LRRK1: variants seen among roughly 807,000 people sequenced by gnomAD.
The protein encoded by LRRK1 is leucine rich repeat kinase 1, also known as leucine-rich repeat serine/threonine-protein kinase 1.
A neutral mutation model predicts 209.1 loss-of-function variants in LRRK1; 113 were observed. The observed-to-expected ratio is 0.54, with a 90% CI of 0.46 to 0.63. LRRK1 has a LOEUF of 0.63. Ranked by LOEUF, LRRK1 falls within the 30% of genes least tolerant of loss-of-function variation. The pLI is 0.00. For missense variants in LRRK1, 2,284 were observed against 2,632.2 expected (o/e 0.87, Z 2.89); for synonymous variants, 1,144 against 1,099.7 (o/e 1.04, Z -0.80).
At chr15:101,011,969 C>G in intron 9 of LRRK1, 39 bp from the exon 10 acceptor site, 1 of 1,485,724 alleles carries the variant, frequency 6.7e-7, no homozygotes, top group African/African-American at 1.4e-5. Flanking sequence ...ATTTAAAGAG[C>G]TAACTAATAT....
chr15:100,969,959 G>C (rs2030754020), intron 2 of LRRK1, among the ~76,000 whole-genome samples: 1 of 151,566 alleles, frequency 6.6e-6, no homozygotes, highest in African/African-American at 2.4e-5. Flanking sequence ...TGCTACCTCA[G>C]CTCACTGCAA....
chr15:101,018,301 T>C (rs977345494), intron 12 of LRRK1, among the ~76,000 whole-genome samples: 2 of 151,806 alleles, frequency 1.3e-5, no homozygotes, highest in African/African-American at 4.8e-5. Flanking sequence ...ACCACACGAA[T>C]AGGGAAATGC....
rs11300776 is a variant in LRRK1, at chr15:101,010,656, CTTTT to C, written c.1118-6_1118-3del. 2.7e-4 allele frequency: 391 copies of C among 1,453,110 alleles called. No individual in the cohort carries two copies. Among genetic ancestry groups the C allele is most frequent in the South Asian group, 7.7e-4 (61 of 79,058 alleles). The allele number at this position is 1,453,110 out of a possible 1,614,324, so 90.0% of individuals were successfully genotyped here. A position where few individuals can be genotyped will look rare whatever the true frequency, so the allele number is the denominator to read the frequency against. On this transcript the variant is annotated splice_polypyrimidine_tract_variant and intron_variant, in intron 8 of 33. Coordinates refer to ENST00000388948, the MANE Select transcript of LRRK1 (RefSeq NM_024652.6). The stretch of plus-strand genomic sequence containing the variant: ...ATTTTTACCAATTCATACTTTGGGT[CTTTT>C]TTTTTTTTTTTAGCCACTAACTGGA...
intron 6 of LRRK1, among the ~76,000 whole-genome samples, chr15:100,991,491 A>G (rs1483053449): frequency 6.6e-6 from 1 of 152,096 alleles, no homozygotes; most frequent in Non-Finnish European, 1.5e-5. Flanking sequence ...CTATATATTT[A>G]TATAACTCTT....
intron 22 of LRRK1, 154 bp from the exon 23 acceptor site, chr15:101,049,490 C>G: frequency 1.3e-6 from 1 of 793,934 alleles, no homozygotes; most frequent in Non-Finnish European, 2.0e-6. Flanking sequence ...GCCACGCACA[C>G]GTACATACAG....
rs370544402 is a variant in LRRK1 at position 100,976,755 on chromosome 15, A to T, written c.261+2788A>T. Among the ~76,000 whole-genome samples, 9 of 152,242 alleles carry T rather than the reference A, an allele frequency of 5.9e-5. No individual in the cohort carries two copies. In the East Asian group the frequency reaches 1.7e-3, roughly 29 times the overall value. On this transcript the variant is annotated intron_variant, in intron 3 of 33. Transcript: ENST00000388948. ...GATGTTCATTCAAGTTGTGTTTAAG[A>T]TAGAACAACCTTGAAAACTGCCTAA...
chr15:101,068,084 C>A (rs959409213), intron 33 of LRRK1, among the ~76,000 whole-genome samples: 12 of 152,180 alleles, frequency 7.9e-5, no homozygotes, highest in African/African-American at 2.9e-4. Context: ...GGGTGGGGCA[C>A]CACCAGGGCA....
Position 101,053,444 on chromosome 15 carries a change from C to A in LRRK1, c.4054+24C>A, listed in dbSNP as rs769068605. 9 of 1,545,800 alleles carry A rather than the reference C, an allele frequency of 5.8e-6. No individual in the cohort carries two copies. In the Admixed American group the frequency reaches 1.1e-4, roughly 19 times the overall value. On this transcript the variant is annotated intron_variant, in intron 26 of 33. Coordinates refer to ENST00000388948, the MANE Select transcript of LRRK1 (RefSeq NM_024652.6). ...AGGTACCGCGGCGCGCCGCCCCACC[C>A]GGCCCCGGAGACCGACAGAGCCCCG...
Position 100,989,234 on chromosome 15 carries a change from G to T in LRRK1, c.614-16G>T, listed in dbSNP as rs1214394337. ...AGCATCTGCATGCCCTTAGCTTTTT[G>T]GTTTTGTTCCTTTAGGGAATGAAGA... On this transcript the variant is annotated splice_polypyrimidine_tract_variant and intron_variant, in intron 5 of 33. Transcript: ENST00000388948. The T allele has an allele frequency of 6.2e-7, 1 of 1,609,762 alleles. No individual in the cohort carries two copies.
rs377073651 is a variant in LRRK1 at position 100,983,512 on chromosome 15, G to A, written c.262-16G>A. On this transcript the variant is annotated splice_polypyrimidine_tract_variant and intron_variant, in intron 3 of 33. Coordinates refer to ENST00000388948, the MANE Select transcript of LRRK1 (RefSeq NM_024652.6). Reference sequence around the variant, plus strand: ...ATAGAGCCAGTCTCACTGGAGCCCTGTTCTGTTTTGACCAGGGCCAGCTTC... The same window carrying A: ...ATAGAGCCAGTCTCACTGGAGCCCTATTCTGTTTTGACCAGGGCCAGCTTC... The A allele has an allele frequency of 8.9e-6, 14 of 1,575,628 alleles. No homozygotes were observed. The highest frequency in any genetic ancestry group is 1.1e-5 in the Non-Finnish European group (13 of 1,158,490).
At chr15:101,029,417 G>T (rs528059200) in intron 20 of LRRK1, among the ~76,000 whole-genome samples, 185 bp downstream of exon 20, 1 of 150,612 alleles carries the variant, frequency 6.6e-6, no homozygotes, top group Admixed American at 6.6e-5. Context: ...CAGTGAGCAC[G>T]GCTGGCCGCT....
chr15:101,062,655 G>A lies in LRRK1; in HGVS notation c.4879G>A (p.Val1627Ile), dbSNP rs778024046. Residue 1627 changes from valine (V) to isoleucine (I), a missense_variant, in exon 31 of 34, where the codon GTC becomes ATC. Physicochemically the swap from Val to Ile is conservative, Grantham distance 29. Around this residue, in one of 6 missense-constraint regions of LRRK1, gnomAD observed 643 missense variants for 695.9 expected, o/e 0.92. Coordinates refer to ENST00000388948, the MANE Select transcript of LRRK1 (RefSeq NM_024652.6). Reference sequence around the variant, plus strand: ...ACAGGCCTTGGATACTCCAGCTGTCGTCACCTGCTTCTTGGCCGTGCCTGT... The same window carrying A: ...ACAGGCCTTGGATACTCCAGCTGTCATCACCTGCTTCTTGGCCGTGCCTGT... Reference protein sequence around the residue: ...PQQALDTPAVVTCFLAVPVIK... With the variant: ...PQQALDTPAVITCFLAVPVIK... The A allele has an allele frequency of 1.4e-5, 23 of 1,614,072 alleles. No individual in the cohort carries two copies. The highest frequency in any genetic ancestry group is 3.3e-4 in the Middle Eastern group (2 of 6,058).
intron 23 of LRRK1, among the ~76,000 whole-genome samples, chr15:101,051,432 T>G (rs1204051143): frequency 6.6e-6 from 1 of 152,032 alleles, no homozygotes; most frequent in Non-Finnish European, 1.5e-5. Context: ...CCCCCACTCC[T>G]CTCAGGCCCC....
intron 20 of LRRK1, 34 bp downstream of exon 20, chr15:101,029,266 G>T (rs928434663): frequency 1.9e-6 from 3 of 1,570,600 alleles, no homozygotes; most frequent in Admixed American, 1.8e-5. Context: ...AGGCTGTGCA[G>T]GTTGCTCCCC....
intron 2 of LRRK1, among the ~76,000 whole-genome samples, chr15:100,955,479 A>C (rs539026350): frequency 6.6e-6 from 1 of 151,974 alleles, no homozygotes; most frequent in South Asian, 2.1e-4. Context: ...TCTTATTTGG[A>C]TGTCTTTTAT....
intron 26 of LRRK1, 112 bp from the exon 27 acceptor site, chr15:101,054,834 A>G (rs1442808046): frequency 3.0e-6 from 3 of 986,302 alleles, no homozygotes; most frequent in Non-Finnish European, 4.5e-6. Context: ...AAGAAAAAAA[A>G]TCATAAAGTA....
At chr15:100,928,001 A>C (rs1389945465) in intron 2 of LRRK1, among the ~76,000 whole-genome samples, 1 of 152,264 alleles carries the variant, frequency 6.6e-6, no homozygotes, top group Admixed American at 6.5e-5. Context: ...GGTAATGCTC[A>C]AAGGGTGGCG....
chr15:100,970,904 T>C (rs2030825721), intron 2 of LRRK1, among the ~76,000 whole-genome samples: 1 of 152,186 alleles, frequency 6.6e-6, no homozygotes, highest in Non-Finnish European at 1.5e-5. Context: ...CATCTTTTGT[T>C]ACATTTTTTT....
intron 6 of LRRK1, among the ~76,000 whole-genome samples, chr15:101,002,829 G>A (rs2032764075): frequency 6.6e-6 from 1 of 152,198 alleles, no homozygotes; most frequent in Admixed American, 6.5e-5. Flanking sequence ...CATCTCCCGG[G>A]TTCAAGTGAT....
Sources: allele counts gnomAD v4.1 joint callset (sites outside exome capture counted in the v4.1 genomes callset), GRCh38; gene constraint gnomAD v4.1.1; regional missense constraint gnomAD v4.1.1; transcripts MANE v1.5; gene names NCBI Gene and HGNC (gene_info 2026-07-23, HGNC 2026-07-21).